Variants in SGSH observed in about 807,000 individuals in gnomAD.
The protein encoded by SGSH is heparan sulfate sulfatase.
SGSH carries 48 observed loss-of-function variants against 51.0 expected under a neutral mutation model. That is an observed-to-expected ratio of 0.94 (90% confidence interval 0.75 to 1.20). SGSH has a LOEUF of 1.20. Among genes scored for constraint, SGSH ranks in the 50% most tolerant of loss-of-function variants. The probability of loss-of-function intolerance (pLI) is 0.00; values close to 1 mark genes in which losing one functional copy is unlikely to be tolerated. For synonymous variants in SGSH, 321 were observed against 313.4 expected, an observed-to-expected ratio of 1.02 and a Z score of -0.26; for missense variants, 662 against 717.8, an observed-to-expected ratio of 0.92 and a Z score of 0.89.
downstream of SGSH, chr17:80,208,133 T>C: frequency 1.3e-6 from 2 of 1,529,896 alleles, no homozygotes; most frequent in Non-Finnish European, 1.8e-6. Context: ...CTCTGGCCTG[T>C]GCAGGAAGGG....
At chr17:80,206,938 C>G, downstream of SGSH, 1 of 1,543,528 alleles carries the variant, frequency 6.5e-7, no homozygotes, top group Non-Finnish European at 8.9e-7. Flanking sequence ...GGCCTGTGAT[C>G]TTGACTCACT....
At chr17:80,211,320 T>A (rs564448371) in intron 7 of SGSH, 3 of 522,706 alleles carry the variant, frequency 5.7e-6, no homozygotes, top group South Asian at 2.2e-5. Context: ...GCCACAGTGC[T>A]CCTGGCTCAT....
downstream of SGSH, chr17:80,207,177 G>A (rs971263497): frequency 4.8e-5 from 41 of 853,976 alleles, no homozygotes; most frequent in African/African-American, 1.7e-4. Context: ...TGTGCTCTGC[G>A]GTTTGCAGGA....
rs934654198 is a variant in SGSH at position 80,210,113 on chromosome 17, A to T, written c.*339T>A. ...TCCCCAAACCAAGCCAGAAAACAAG[A>T]CTCCCTTGTCATGGGCTGGGGGCGC... On this transcript the variant is annotated 3_prime_UTR_variant, in exon 8 of 8. Coordinates refer to ENST00000326317, the MANE Select transcript of SGSH (RefSeq NM_000199.5). 24 of 1,187,266 alleles carry T rather than the reference A, an allele frequency of 2.0e-5. No homozygotes were observed. In the Admixed American group the frequency reaches 4.9e-4, roughly 24 times the overall value. 73.5% of individuals were successfully genotyped at this position (1,187,266 alleles called of 1,614,324 possible). A position where few individuals can be genotyped will look rare whatever the true frequency, so the allele number is the denominator to read the frequency against.
chr17:80,212,212 A>G lies in SGSH; in HGVS notation c.808T>C (p.Phe270Leu), dbSNP rs570170198. ...AAGGGGATCCCGTTGTCGGACGTGA[A>G]GATCACCAGTGTGTCGTTCAGGACA... ...AGVLNDTLVI[F>L]TSDNGIPFPS... Residue 270 changes from phenylalanine (F) to leucine (L), a missense_variant, in exon 7 of 8, where the codon TTC (phenylalanine) becomes CTC (leucine). Physicochemically the swap from Phe to Leu is conservative, Grantham distance 22 (BLOSUM62 0). Transcript: ENST00000326317. This position sits in a 1 kb window ranked among gnomAD's most constrained non-coding sequence, Gnocchi z 5.9. 113 of 1,613,256 alleles carry G rather than the reference A, an allele frequency of 7.0e-5. No individual in the cohort carries two copies. The highest frequency in any genetic ancestry group is 9.0e-5 in the Non-Finnish European group (106 of 1,180,010).
At position 80,220,320 on chromosome 17, in the gene SGSH, G is replaced by A. The variant is rs1198738754; in HGVS notation, c.-7C>T. On this transcript the variant is annotated 5_prime_UTR_variant, in exon 1 of 8. Coordinates refer to ENST00000326317, the MANE Select transcript of SGSH (RefSeq NM_000199.5). ...CGGGCACGGGGCAGCTCATGGCGGC[G>A]GCGGCTCGGACTCGGGATCGGGATC... 10 of 1,487,308 alleles carry A rather than the reference G, an allele frequency of 6.7e-6. No homozygotes were observed. The highest frequency in any genetic ancestry group is 2.2e-5 in the Admixed American group (1 of 45,800). The allele number at this position is 1,487,308 out of a possible 1,614,324, so 92.1% of individuals were successfully genotyped here.
chr17:80,208,259 G>T, downstream of SGSH: 1 of 1,589,894 alleles, frequency 6.3e-7, no homozygotes, highest in Non-Finnish European at 8.5e-7. Context: ...CGGCTGGAGC[G>T]ACCTGGACGG....
In SGSH at chr17:80,213,395, T is replaced by G; in HGVS notation, c.745+409A>C. ...AGCATGGCCCTGCTGACACCTTGAT[T>G]TCAAACTTCTGGCCTCCTGAACTGT... On this transcript the variant is annotated intron_variant, in intron 6 of 7. Coordinates refer to ENST00000326317, the MANE Select transcript of SGSH (RefSeq NM_000199.5). The surrounding 1 kb of genome is among the most constrained non-coding windows in gnomAD (Gnocchi z 4.6). The G allele has an allele frequency of 4.5e-6, 1 of 219,976 alleles. No individual in the cohort carries two copies. Among genetic ancestry groups the G allele is most frequent in the African/African-American group, 2.3e-5 (1 of 43,124 alleles). 13.6% of individuals were successfully genotyped at this position (219,976 alleles called of 1,614,324 possible).
chr17:80,217,571 G>A (rs1258698018), intron 1 of SGSH, among the ~76,000 whole-genome samples: 1 of 152,186 alleles, frequency 6.6e-6, no homozygotes, highest in East Asian at 1.9e-4. Context: ...GGGTGCCCAG[G>A]CAGGCCTGAT....
Position 80,213,050 on chromosome 17 carries a change from A to G in SGSH, c.745+754T>C, listed in dbSNP as rs4072867. The stretch of plus-strand genomic sequence containing the variant: ...CTAAAAATATAAAAATTAGCTGGGC[A>G]TGGTGGCGTGCGGTGCGATTGCAGT... On this transcript the variant is annotated intron_variant, in intron 6 of 7. Transcript: ENST00000326317. The surrounding 1 kb of genome is among the most constrained non-coding windows in gnomAD (Gnocchi z 4.6). 0.51 allele frequency: 77,668 copies of G among 152,874 alleles called. 21,046 individuals are homozygous for G. The highest frequency in any genetic ancestry group is 0.71 in the African/African-American group (29,214 of 41,424). 9.5% of individuals were successfully genotyped at this position (152,874 alleles called of 1,614,324 possible). A position where few individuals can be genotyped will look rare whatever the true frequency, so the allele number is the denominator to read the frequency against.
Position 80,213,782 on chromosome 17 carries a change from G to T in SGSH, c.745+22C>A. 6.3e-7 allele frequency: 1 copy of T among 1,585,164 alleles called. No individual in the cohort carries two copies. Among genetic ancestry groups the T allele is most frequent in the Non-Finnish European group, 8.5e-7 (1 of 1,170,568 alleles). On this transcript the variant is annotated intron_variant, in intron 6 of 7. Transcript: ENST00000326317. This position sits in a 1 kb window ranked among gnomAD's most constrained non-coding sequence, Gnocchi z 4.6. ...GACCCCGGCCGTGGCACCCCCTCCA[G>T]TGCCCGGTTCTGCAAGCCCACCTTG...
At chr17:80,217,294 C>A in intron 1 of SGSH, 102 bp from the exon 2 acceptor site, 2 of 1,364,694 alleles carry the variant, frequency 1.5e-6, no homozygotes, top group Non-Finnish European at 2.0e-6. Context: ...AGGCGAGACA[C>A]CCAGGTGGGC....
At position 80,212,028 on chromosome 17, in the gene SGSH, T is replaced by A. The variant is rs1316964934; in HGVS notation, c.949+43A>T. ...TGACAGGTCATGGCCCCGTCCCAGA[T>A]CCACTCCCACACCTTTCCTGACGGA... On this transcript the variant is annotated intron_variant, in intron 7 of 7. Transcript: ENST00000326317. This position sits in a 1 kb window ranked among gnomAD's most constrained non-coding sequence, Gnocchi z 5.9. 2 of 1,547,772 alleles carry A rather than the reference T, an allele frequency of 1.3e-6. No homozygotes were observed. The highest frequency in any genetic ancestry group is 2.2e-5 in the East Asian group (1 of 44,528).
At chr17:80,205,613 C>A, downstream of SGSH, 1 of 1,512,900 alleles carries the variant, frequency 6.6e-7, no homozygotes, top group Non-Finnish European at 8.9e-7. Context: ...GGGGCCGCTG[C>A]TGGGTGACCC....
chr17:80,211,426 C>T (rs917598764), intron 7 of SGSH: 6 of 308,608 alleles, frequency 1.9e-5, no homozygotes, highest in Non-Finnish European at 3.1e-5. Context: ...CCCGGGCCCA[C>T]CCCACCTGGA....
chr17:80,205,490 C>A (rs1026428230), downstream of SGSH: 6 of 1,567,732 alleles, frequency 3.8e-6, no homozygotes, highest in South Asian at 7.0e-5. Context: ...CAGACCCCCA[C>A]ACAGCTGGTC....
Position 80,213,850 on chromosome 17 carries a change from T to G in SGSH, c.699A>C (p.Arg233=), listed in dbSNP as rs1361941081. 1.9e-6 allele frequency: 3 copies of G among 1,608,860 alleles called. No individual in the cohort carries two copies. The highest frequency in any genetic ancestry group is 1.7e-6 in the Non-Finnish European group (2 of 1,179,360). ...TGGTGTACTGAGCGGCCAGGTCGGCTCGGGCTGCCGGGGTGTTGGGGACGA... is the reference window on the plus strand; with the variant it reads ...TGGTGTACTGAGCGGCCAGGTCGGCGCGGGCTGCCGGGGTGTTGGGGACGA... ...PYFVPNTPAA[R]ADLAAQYTTV... is the part of the protein sequence containing the mutation. Residue 233 remains arginine (R), a synonymous_variant, in exon 6 of 8, where the codon CGA becomes CGC. Transcript: ENST00000326317. The surrounding 1 kb of genome is among the most constrained non-coding windows in gnomAD (Gnocchi z 4.6).
rs992564098 is a variant in SGSH at position 80,214,277 on chromosome 17, G to A, written c.558C>T (p.Ser186=). The A allele has an allele frequency of 3.1e-6, 5 of 1,613,158 alleles. No individual in the cohort carries two copies. The African/African-American group carries it at 6.7e-5, about 22-fold the overall frequency. The change falls in exon 5 of 8, where the codon TCC becomes TCT. Residue 186 remains serine (S), a synonymous_variant. Coordinates refer to ENST00000326317, the MANE Select transcript of SGSH (RefSeq NM_000199.5). ...CACAGAAGGTTCCGTACTGGGGCTGGGAGTGCCCACAGCGGTGGGGGTCGT... is the reference window on the plus strand; with the variant it reads ...CACAGAAGGTTCCGTACTGGGGCTGAGAGTGCCCACAGCGGTGGGGGTCGT... ...AFHDPHRCGH[S]QPQYGTFCEK... is the part of the protein sequence containing the mutation.
At chr17:80,201,441 T>G in the SGSH span, 3 of 324,742 alleles carry the variant, frequency 9.2e-6, no homozygotes, top group Non-Finnish European at 1.7e-5. This position sits in a 1 kb window ranked among gnomAD's most constrained non-coding sequence, Gnocchi z 5.0. Flanking sequence ...ACCGAGGTTC[T>G]TTCTTTTCTT....
Sources: allele counts gnomAD v4.1 joint callset (sites outside exome capture counted in the v4.1 genomes callset), GRCh38; gene constraint gnomAD v4.1.1; non-coding constraint Gnocchi (gnomAD v3.1); transcripts MANE v1.5; gene names NCBI Gene and HGNC (gene_info 2026-07-23, HGNC 2026-07-21).